Variants in DCC observed in about 807,000 individuals in gnomAD.
DCC encodes DCC netrin 1 receptor.
DCC carries 58 observed loss-of-function variants against 172.5 expected under a neutral mutation model. The ratio of observed to expected loss-of-function variants is 0.34; its 90% CI spans 0.27 to 0.42. DCC has a LOEUF of 0.42. Among genes scored for constraint, DCC ranks in the 10% least tolerant of loss-of-function variants. The probability of loss-of-function intolerance (pLI) is 1.00; values close to 1 mark genes in which losing one functional copy is unlikely to be tolerated. For missense variants in DCC, 1,740 were observed against 1,791.0 expected, an observed-to-expected ratio of 0.97 and a Z score of 0.51; for synonymous variants, 709 against 644.5, an observed-to-expected ratio of 1.10 and a Z score of -1.52.
chr18:53,400,188 A>G (rs1327874185), intron 18 of DCC, among the ~76,000 whole-genome samples: 1 of 152,120 alleles, frequency 6.6e-6, no homozygotes, highest in African/African-American at 2.4e-5. Context: ...GTCTGGAAAA[A>G]TAAGAGGAAG....
chr18:52,553,362 T>C (rs924545930), intron 1 of DCC, among the ~76,000 whole-genome samples: 13 of 152,030 alleles, frequency 8.6e-5, no homozygotes, highest in Admixed American at 3.9e-4. Flanking sequence ...TTGACCATCA[T>C]AGAACAAATA....
chr18:52,999,010 C>G (rs1405015693), intron 5 of DCC, among the ~76,000 whole-genome samples: 2 of 152,076 alleles, frequency 1.3e-5, no homozygotes, highest in Non-Finnish European at 2.9e-5. Context: ...TTTCAGACAT[C>G]TGTGTTTCCA....
chr18:52,469,027 TTTGATTTA>T (rs751524013), intron 1 of DCC, among the ~76,000 whole-genome samples: 2,648 of 127,086 alleles, frequency 0.021, 42 homozygotes, highest in Non-Finnish European at 0.025. Context: ...GGAAAACAAT[TTTGATTTA>T]TTTATTTATT....
chr18:53,371,608 A>G (rs1415297635), intron 15 of DCC, among the ~76,000 whole-genome samples: 1 of 152,036 alleles, frequency 6.6e-6, no homozygotes, highest in African/African-American at 2.4e-5. Context: ...TAAAAAGAAA[A>G]TGAACAAAAC....
intron 1 of DCC, among the ~76,000 whole-genome samples, chr18:52,563,187 G>GTCTA (rs1199249913): frequency 7.2e-5 from 11 of 152,178 alleles, no homozygotes; most frequent in African/African-American, 2.7e-4. Context: ...CTAAAGCTGG[G>GTCTA]TCTATCTGGA....
chr18:52,789,009 C>A (rs1433867408), intron 2 of DCC, among the ~76,000 whole-genome samples: 1 of 151,926 alleles, frequency 6.6e-6, no homozygotes, highest in Admixed American at 6.6e-5. Flanking sequence ...TTTCAGGTGA[C>A]CAAGAGTATG....
intron 1 of DCC, among the ~76,000 whole-genome samples, chr18:52,545,627 C>T (rs1568222252): frequency 6.6e-6 from 1 of 152,120 alleles, no homozygotes; most frequent in Non-Finnish European, 1.5e-5. Context: ...TTTACATATA[C>T]TGAGGTCCCA....
chr18:53,361,606 G>T (rs886925612), intron 15 of DCC, among the ~76,000 whole-genome samples: 1 of 152,138 alleles, frequency 6.6e-6, no homozygotes, highest in Non-Finnish European at 1.5e-5. Context: ...AACTGTGTCA[G>T]TCAATTGTTG....
At chr18:52,567,438 T>A (rs1341124156) in intron 1 of DCC, among the ~76,000 whole-genome samples, 1 of 152,142 alleles carries the variant, frequency 6.6e-6, no homozygotes, top group African/African-American at 2.4e-5. Context: ...CTGCCATGGC[T>A]GACATCCTGG....
chr18:53,224,250 G>T (rs1328111169), intron 12 of DCC, among the ~76,000 whole-genome samples: 1 of 152,116 alleles, frequency 6.6e-6, no homozygotes, highest in Non-Finnish European at 1.5e-5. Flanking sequence ...GAATAGAAAA[G>T]GATCAGCTTT....
At chr18:52,370,358 A>C (rs1361130700) in intron 1 of DCC, among the ~76,000 whole-genome samples, 9 of 152,234 alleles carry the variant, frequency 5.9e-5, no homozygotes, top group African/African-American at 1.9e-4. Context: ...CTGGATAAAG[A>C]AAATGTGGTA....
intron 1 of DCC, among the ~76,000 whole-genome samples, chr18:52,392,876 A>G (rs1162194615): frequency 6.6e-6 from 1 of 152,086 alleles, no homozygotes; most frequent in African/African-American, 2.4e-5. Context: ...TACCAATAGC[A>G]TCCTGTTTCT....
At chr18:53,307,284 G>T (rs1435458345) in intron 13 of DCC, among the ~76,000 whole-genome samples, 1 of 152,140 alleles carries the variant, frequency 6.6e-6, no homozygotes, top group Admixed American at 6.6e-5. Flanking sequence ...ATTTTGAAAA[G>T]CCAATATCCT....
At chr18:53,514,489 A>C (rs2046306867) in intron 27 of DCC, among the ~76,000 whole-genome samples, 1 of 152,234 alleles carries the variant, frequency 6.6e-6, no homozygotes, top group South Asian at 2.1e-4. Flanking sequence ...AAAACCCTTC[A>C]AAAAATTAAT....
chr18:53,083,022 T>C (rs958641950), intron 7 of DCC, among the ~76,000 whole-genome samples: 4 of 37,224 alleles, frequency 1.1e-4, no homozygotes, highest in Non-Finnish European at 2.6e-4. Context: ...TCTAAGGTCA[T>C]TTTTTTTTTA....
chr18:52,894,660 A>C (rs575946014), intron 2 of DCC, among the ~76,000 whole-genome samples: 2 of 152,096 alleles, frequency 1.3e-5, no homozygotes, highest in South Asian at 4.1e-4. Flanking sequence ...AGTTCCAGTT[A>C]GAATCTGAAG....
chr18:52,686,825 C>T (rs2035844185), intron 1 of DCC, among the ~76,000 whole-genome samples: 1 of 152,088 alleles, frequency 6.6e-6, no homozygotes, highest in South Asian at 2.1e-4. Context: ...TCACTGAGAG[C>T]TTGCCTTGAT....
rs189597202 is a variant in DCC at position 52,857,794 on chromosome 18, C to A, written c.413-48250C>A. On this transcript the variant is annotated intron_variant, in intron 2 of 28. Transcript: ENST00000442544. The stretch of plus-strand genomic sequence containing the variant: ...TTCTCTTGGAATTGTAGAAAAAGGT[C>A]GCTGTCAGTCTGTGGGCTGAGGAAA... Among the ~76,000 whole-genome samples the A allele has an allele frequency of 2.9e-3, 448 of 152,224 alleles. 1 individual carries two copies. The highest frequency in any genetic ancestry group is 5.0e-3 in the Non-Finnish European group (340 of 68,022).
At chr18:52,902,421 T>A (rs2039823262) in intron 2 of DCC, among the ~76,000 whole-genome samples, 1 of 152,194 alleles carries the variant, frequency 6.6e-6, no homozygotes. Flanking sequence ...TGTGGCCTAA[T>A]GAGTCTGAAC....
Sources: allele counts gnomAD v4.1 joint callset (sites outside exome capture counted in the v4.1 genomes callset), GRCh38; gene constraint gnomAD v4.1.1; transcripts MANE v1.5; gene names NCBI Gene and HGNC (gene_info 2026-07-23, HGNC 2026-07-21).